The following CRB1 variants were observed in gnomAD, a reference collection of about 807,000 sequenced individuals.
CRB1 encodes the protein protein crumbs homolog 1.
Under a neutral mutation model 120.0 loss-of-function variants are expected in CRB1, and 83 were observed. The observed-to-expected ratio is 0.69, with a 90% CI of 0.58 to 0.83. The LOEUF (loss-of-function observed/expected upper bound fraction) is 0.83. Ranked by LOEUF, CRB1 falls within the 40% of genes least tolerant of loss-of-function variation. The pLI, the probability that CRB1 is intolerant of heterozygous loss-of-function variation, is 0.00. For synonymous variants in CRB1, 625 were observed against 612.5 expected, an observed-to-expected ratio of 1.02 and a Z score of -0.30; for missense variants, 1,699 against 1,687.6, an observed-to-expected ratio of 1.01 and a Z score of -0.12.
chr1:197,326,766 A>G (rs1658517271), intron 1 of CRB1, among the ~76,000 whole-genome samples: 1 of 152,136 alleles, frequency 6.6e-6, no homozygotes, highest in Non-Finnish European at 1.5e-5. Flanking sequence ...GATCCTGACC[A>G]TTCCCAGGTA....
intron 1 of CRB1, among the ~76,000 whole-genome samples, chr1:197,296,207 G>A (rs1431883212): frequency 6.6e-6 from 1 of 151,938 alleles, no homozygotes; most frequent in Non-Finnish European, 1.5e-5. Flanking sequence ...GGTAAAATCA[G>A]GGGCTCTAGA....
At chr1:197,357,325 C>A in intron 5 of CRB1, 1 of 401,340 alleles carries the variant, frequency 2.5e-6, no homozygotes, top group South Asian at 2.6e-5. Flanking sequence ...TTTATGCTAT[C>A]AAATTTGATA....
the CRB1 span, among the ~76,000 whole-genome samples, chr1:197,215,563 A>G: frequency 1.3e-5 from 2 of 152,298 alleles, no homozygotes; most frequent in East Asian, 1.9e-4. Flanking sequence ...GGCATGTGCC[A>G]CTGTGCCCGG....
At chr1:197,321,016 A>G (rs1658158660) in intron 1 of CRB1, among the ~76,000 whole-genome samples, 1 of 152,210 alleles carries the variant, frequency 6.6e-6, no homozygotes, top group East Asian at 1.9e-4. Context: ...CTGATTTCAA[A>G]CAGTACAAGC....
chr1:197,298,053 G>T (rs1020151029), intron 1 of CRB1, among the ~76,000 whole-genome samples: 1 of 152,108 alleles, frequency 6.6e-6, no homozygotes, highest in African/African-American at 2.4e-5. Context: ...AGAGGGGAAG[G>T]CAGATACTAC....
upstream of CRB1, among the ~76,000 whole-genome samples, chr1:197,265,440 T>A (rs1331189421): frequency 1.3e-5 from 2 of 151,338 alleles, no homozygotes; most frequent in African/African-American, 2.4e-5. Context: ...CCCTCCCTCC[T>A]CCTCTTTCTC....
chr1:197,296,259 G>A (rs1423404717), intron 1 of CRB1, among the ~76,000 whole-genome samples: 1 of 151,970 alleles, frequency 6.6e-6, no homozygotes, highest in Admixed American at 6.6e-5. Flanking sequence ...CTACTTACCA[G>A]ATGTTTTGCC....
intron 11 of CRB1, among the ~76,000 whole-genome samples, chr1:197,454,920 G>T (rs1666202182): frequency 6.6e-6 from 1 of 152,148 alleles, no homozygotes; most frequent in Non-Finnish European, 1.5e-5. Flanking sequence ...GTGTGTTTGT[G>T]CTTTCAAAGA....
At chr1:197,462,414 T>C (rs370766055) in intron 11 of CRB1, among the ~76,000 whole-genome samples, 2 of 152,180 alleles carry the variant, frequency 1.3e-5, no homozygotes, top group African/African-American at 4.8e-5. Context: ...TTTTGAAACT[T>C]AGTGTCTCAA....
the CRB1 span, among the ~76,000 whole-genome samples, chr1:197,234,663 G>A: frequency 6.6e-6 from 1 of 152,224 alleles, no homozygotes; most frequent in Admixed American, 6.5e-5. Context: ...TCAGCCTCTG[G>A]CATCAGCCAC....
Position 197,435,472 on chromosome 1 carries a change from G to A in CRB1, c.3609G>A (p.Glu1203=), listed in dbSNP as rs1177792712. Residue 1203 remains glutamate, a synonymous_variant, in exon 9 of 12, where the codon GAG becomes GAA. Coordinates refer to ENST00000367400, the MANE Select transcript of CRB1 (RefSeq NM_201253.3). Reference sequence around the variant, plus strand: ...TTGCAGCCTACCACTGCACATGTGAGCCTGGATACACTGGTGTGAACTGTG... The same window carrying A: ...TTGCAGCCTACCACTGCACATGTGAACCTGGATACACTGGTGTGAACTGTG... ...DRVAAYHCTC[E]PGYTGVNCEV... The A allele has an allele frequency of 1.2e-6, 2 of 1,601,006 alleles. No individual in the cohort carries two copies. Among genetic ancestry groups the A allele is most frequent in the African/African-American group, 1.3e-5 (1 of 74,762 alleles).
chr1:197,364,629 T>C (rs77555196), intron 5 of CRB1, among the ~76,000 whole-genome samples: 2,479 of 152,158 alleles, frequency 0.016, 78 homozygotes, highest in African/African-American at 0.057. Context: ...TTTTGATCTG[T>C]ACTCAAGTTC....
At chr1:197,325,208 C>T (rs750820162) in intron 1 of CRB1, among the ~76,000 whole-genome samples, 3 of 152,136 alleles carry the variant, frequency 2.0e-5, no homozygotes, top group Non-Finnish European at 2.9e-5. Flanking sequence ...CGCCTCCCTC[C>T]CCACCCCAAT....
At position 197,421,607 on chromosome 1, in the gene CRB1, G is replaced by A. The variant is rs778428918; in HGVS notation, c.1779G>A (p.Ala593=). Residue 593 remains alanine (A), a synonymous_variant, in exon 6 of 12, where the codon GCG becomes GCA. Coordinates refer to ENST00000367400, the MANE Select transcript of CRB1 (RefSeq NM_201253.3). The part of the protein sequence containing the change: ...IDDSCKEKCI[A]KAPTPLESDQ... ...ACTCCTGTAAGGAGAAATGCATCGC[G>A]AAAGCTCCTACTCCACTTGAAAGTG... 18 of 1,614,054 alleles carry A rather than the reference G, an allele frequency of 1.1e-5. 1 individual carries two copies. The highest frequency in any genetic ancestry group is 7.7e-5 in the South Asian group (7 of 91,068).
chr1:197,397,713 G>T (rs759162004), intron 5 of CRB1, among the ~76,000 whole-genome samples: 3 of 152,192 alleles, frequency 2.0e-5, no homozygotes, highest in South Asian at 2.1e-4. Context: ...AGGTTCAAAA[G>T]GCTATATATT....
chr1:197,437,163 A>T (rs143072016), intron 9 of CRB1, among the ~76,000 whole-genome samples: 40 of 152,252 alleles, frequency 2.6e-4, no homozygotes, highest in Middle Eastern at 3.4e-3. Context: ...CGGCAAGAAC[A>T]CCTGGAATGG....
Position 197,442,289 on chromosome 1 carries a change from G to T in CRB1, c.4002G>T (p.Val1334=). The T allele has an allele frequency of 6.2e-7, 1 of 1,614,196 alleles. No homozygotes were observed. Among genetic ancestry groups the T allele is most frequent in the Non-Finnish European group, 8.5e-7 (1 of 1,180,032 alleles). The change falls in exon 11 of 12, where the codon GTG becomes GTT. Residue 1334 remains valine, a synonymous_variant. Transcript: ENST00000367400. ...DVAFAGERCE[V]DLADDLISDI... ...CCTTTGCTGGCGAGCGCTGCGAGGTGGACGTAAGCAGCCTCTCCTTTTATG... is the reference window on the plus strand; with the variant it reads ...CCTTTGCTGGCGAGCGCTGCGAGGTTGACGTAAGCAGCCTCTCCTTTTATG...
At chr1:197,246,369 C>A in the CRB1 span, among the ~76,000 whole-genome samples, 51 of 152,062 alleles carry the variant, frequency 3.4e-4, no homozygotes, top group African/African-American at 1.2e-3. Context: ...TTATTTATTT[C>A]TATTTTTTGT....
chr1:197,460,001 C>CTTTTTTTTT lies in CRB1; in HGVS notation c.4006-17649_4006-17641dup, dbSNP rs10679172. ...AGTAAGTCTTGCTTTAAGCCCCCCT[C>CTTTTTTTTT]TTTTTTTTTTTTTTTTTTTTTTACT... On this transcript the variant is annotated intron_variant, in intron 11 of 11. Transcript: ENST00000367400. Among the ~76,000 whole-genome samples, 69 of 75,626 alleles carry CTTTTTTTTT rather than the reference C, an allele frequency of 9.1e-4. 2 individuals carry two copies. The highest frequency in any genetic ancestry group is 1.7e-3 in the African/African-American group (39 of 22,578). The allele number at this position is 75,626 out of a possible 152,430, so 49.6% of individuals were successfully genotyped here. A position where few individuals can be genotyped will look rare whatever the true frequency, so the allele number is the denominator to read the frequency against.
Sources: gnomAD v4.1 joint callset for allele counts (sites outside exome capture counted in the v4.1 genomes callset) on GRCh38, gnomAD v4.1.1 for gene constraint, MANE v1.5 for transcripts, NCBI Gene and HGNC (gene_info 2026-07-23, HGNC 2026-07-21) for gene names.